Variants in ASTN2 observed in about 807,000 individuals in gnomAD.
ASTN2 encodes the protein astrotactin 2.
In ASTN2, 54 loss-of-function variants were observed where a neutral mutation model predicts 139.8. That is an observed-to-expected ratio of 0.39 (90% CI 0.31 to 0.48). The LOEUF (loss-of-function observed/expected upper bound fraction) is 0.48. ASTN2 is among the 20% of genes least tolerant of loss of function. The probability of loss-of-function intolerance (pLI) is 0.95; values close to 1 mark genes in which losing one functional copy is unlikely to be tolerated. For missense variants in ASTN2, 1,565 were observed against 1,725.1 expected, an observed-to-expected ratio of 0.91 and a Z score of 1.64; for synonymous variants, 756 against 719.5, an observed-to-expected ratio of 1.05 and a Z score of -0.81.
At chr9:116,609,328 C>CTCTCTATATATATATA (rs140484650) in intron 19 of ASTN2, among the ~76,000 whole-genome samples, 1 of 122,528 alleles carries the variant, frequency 8.2e-6, no homozygotes, top group African/African-American at 3.2e-5. Flanking sequence ...CTCTCTCTCT[C>CTCTCTATATATATATA]TATATATATA....
chr9:116,497,378 G>A (rs554880925), intron 19 of ASTN2, among the ~76,000 whole-genome samples: 13 of 152,238 alleles, frequency 8.5e-5, no homozygotes, highest in East Asian at 3.9e-4. Context: ...CCCTCTAGGC[G>A]CCAGGGAAAG....
At chr9:117,296,442 A>G (rs1026508929) in intron 1 of ASTN2, among the ~76,000 whole-genome samples, 1 of 152,166 alleles carries the variant, frequency 6.6e-6, no homozygotes, top group Non-Finnish European at 1.5e-5. Context: ...CCTTAAAAAC[A>G]GGTTAATAGA....
At chr9:117,097,047 AT>A (rs1334407787) in intron 4 of ASTN2, among the ~76,000 whole-genome samples, 1 of 152,196 alleles carries the variant, frequency 6.6e-6, no homozygotes, top group Non-Finnish European at 1.5e-5. Flanking sequence ...GCCATGGTAT[AT>A]ACAAGGAAGA....
chr9:116,588,785 A>G (rs1854262997), intron 19 of ASTN2, among the ~76,000 whole-genome samples: 1 of 152,240 alleles, frequency 6.6e-6, no homozygotes, highest in East Asian at 1.9e-4. Flanking sequence ...ACGTTTTTGA[A>G]AAATGGCTGG....
At chr9:116,431,618 T>C (rs1847499965) in intron 22 of ASTN2, among the ~76,000 whole-genome samples, 1 of 152,290 alleles carries the variant, frequency 6.6e-6, no homozygotes, top group Middle Eastern at 3.4e-3. Context: ...ATTAGTTACA[T>C]TGTTGTAGCA....
At chr9:116,922,070 T>A (rs925908455) in intron 10 of ASTN2, among the ~76,000 whole-genome samples, 1 of 152,216 alleles carries the variant, frequency 6.6e-6, no homozygotes, top group Non-Finnish European at 1.5e-5. Flanking sequence ...CAGAAGTTCC[T>A]CTGCCCTAGA....
chr9:116,828,711 G>A (rs773697329), intron 11 of ASTN2, among the ~76,000 whole-genome samples: 1 of 152,138 alleles, frequency 6.6e-6, no homozygotes, highest in Non-Finnish European at 1.5e-5. Flanking sequence ...CACCAAAGAA[G>A]TCAGGACACA....
At chr9:117,045,065 T>A (rs12342987) in intron 5 of ASTN2, among the ~76,000 whole-genome samples, 42,900 of 151,962 alleles carry the variant, frequency 0.28, 6,291 homozygotes, top group Middle Eastern at 0.32. Flanking sequence ...GATACCCTCA[T>A]GTAGAAAGTG....
chr9:117,335,752 T>A (rs1420004761), intron 1 of ASTN2, among the ~76,000 whole-genome samples: 1 of 151,656 alleles, frequency 6.6e-6, no homozygotes, highest in Non-Finnish European at 1.5e-5. Flanking sequence ...CCCCATCTAA[T>A]AACATAGATA....
At chr9:117,163,394 A>T (rs1034391079) in intron 3 of ASTN2, among the ~76,000 whole-genome samples, 1 of 152,128 alleles carries the variant, frequency 6.6e-6, no homozygotes, top group African/African-American at 2.4e-5. Flanking sequence ...CAGAGGAAAA[A>T]CTAATGCCAT....
chr9:116,528,628 A>AT (rs1851196100), intron 19 of ASTN2, among the ~76,000 whole-genome samples: 1 of 152,226 alleles, frequency 6.6e-6, no homozygotes, highest in African/African-American at 2.4e-5. Flanking sequence ...CAATGGGGAA[A>AT]ATATATTCAG....
At chr9:116,787,715 A>G (rs1392960754) in intron 13 of ASTN2, among the ~76,000 whole-genome samples, 3 of 152,168 alleles carry the variant, frequency 2.0e-5, no homozygotes, top group African/African-American at 7.2e-5. Context: ...GCCTTGAATA[A>G]AGTCTTTCTT....
intron 3 of ASTN2, chr9:117,197,340 T>A (rs369279128): frequency 6.6e-6 from 1 of 152,148 alleles, no homozygotes; most frequent in Non-Finnish European, 1.5e-5. Context: ...TACCAGAACC[T>A]CTAAACAAGC....
intron 13 of ASTN2, among the ~76,000 whole-genome samples, chr9:116,777,733 G>A (rs973187257): frequency 1.3e-5 from 2 of 152,124 alleles, no homozygotes; most frequent in African/African-American, 4.8e-5. Context: ...TTCCAGTTCC[G>A]CTCAGATATT....
intron 7 of ASTN2, among the ~76,000 whole-genome samples, chr9:116,985,917 G>T (rs145398139): frequency 6.6e-6 from 1 of 152,308 alleles, no homozygotes; most frequent in African/African-American, 2.4e-5. Flanking sequence ...AAAGGTGTCA[G>T]CCTGGCAACC....
chr9:116,812,848 C>A (rs1831203206), intron 12 of ASTN2, among the ~76,000 whole-genome samples: 1 of 151,918 alleles, frequency 6.6e-6, no homozygotes, highest in Admixed American at 6.6e-5. Context: ...TTTCTTTTCC[C>A]TGTGGGTGGG....
intron 19 of ASTN2, among the ~76,000 whole-genome samples, chr9:116,589,117 G>C (rs1233336954): frequency 1.4e-4 from 22 of 152,158 alleles, no homozygotes; most frequent in Non-Finnish European, 5.9e-5. Flanking sequence ...ACATTTCCAG[G>C]GGGGTGTGGT....
intron 16 of ASTN2, among the ~76,000 whole-genome samples, chr9:116,714,031 T>C (rs1356922470): frequency 2.6e-5 from 4 of 152,208 alleles, no homozygotes; most frequent in Admixed American, 6.5e-5. Flanking sequence ...TATGAGATCA[T>C]GTGATTAACT....
intron 1 of ASTN2, among the ~76,000 whole-genome samples, chr9:117,396,507 ATTT>A (rs1283984794): frequency 1.3e-5 from 2 of 151,996 alleles, no homozygotes; most frequent in Admixed American, 1.3e-4. Context: ...TTTACTTTTT[ATTT>A]TTTATTTTTG....
Sources: allele counts gnomAD v4.1 joint callset (sites outside exome capture counted in the v4.1 genomes callset), GRCh38; gene constraint gnomAD v4.1.1; transcripts MANE v1.5; gene names NCBI Gene and HGNC (gene_info 2026-07-23, HGNC 2026-07-21).